Variants in HSD17B2 observed in about 807,000 individuals in gnomAD.
The protein encoded by HSD17B2 is hydroxysteroid 17-beta dehydrogenase 2.
HSD17B2 carries 32 observed loss-of-function variants against 26.9 expected under a neutral mutation model. The observed-to-expected ratio is 1.19, with a 90% CI of 0.90 to 1.60. The LOEUF (loss-of-function observed/expected upper bound fraction) is 1.60. Among genes scored for constraint, HSD17B2 ranks in the 40% most tolerant of loss-of-function variants. The pLI, the probability that HSD17B2 is intolerant of heterozygous loss-of-function variation, is 0.00. For missense variants in HSD17B2, 613 were observed against 468.6 expected (o/e 1.31, Z -2.85); for synonymous variants, 246 against 186.7 (o/e 1.32, Z -2.59).
At chr16:82,055,104 G>A (rs1292046462) in intron 1 of HSD17B2, among the ~76,000 whole-genome samples, 1 of 152,138 alleles carries the variant, frequency 6.6e-6, no homozygotes, top group African/African-American at 2.4e-5. Context: ...AATGTTCCCT[G>A]GGGGGGAACT....
chr16:82,050,064 T>C (rs1453296736), intron 1 of HSD17B2, among the ~76,000 whole-genome samples: 1 of 152,228 alleles, frequency 6.6e-6, no homozygotes, highest in Non-Finnish European at 1.5e-5. Context: ...CCGTCCCAGG[T>C]GAAGCTAATG....
chr16:82,059,131 T>C (rs1914360354), intron 1 of HSD17B2, among the ~76,000 whole-genome samples: 1 of 152,194 alleles, frequency 6.6e-6, no homozygotes, highest in South Asian at 2.1e-4. Flanking sequence ...GAGTTCTCTA[T>C]AAAAGTAAAC....
Position 82,098,494 on chromosome 16 carries a change from G to C in HSD17B2, c.*58G>C. The C allele has an allele frequency of 5.3e-6, 8 of 1,509,318 alleles. No individual in the cohort carries two copies. In the South Asian group the frequency reaches 9.4e-5, roughly 18 times the overall value. 93.5% of individuals were successfully genotyped at this position (1,509,318 alleles called of 1,614,324 possible). A position where few individuals can be genotyped will look rare whatever the true frequency, so the allele number is the denominator to read the frequency against. ...ATAGTCTTGAAATGAAAGGGAAACT[G>C]GGAAACTGGGTTTCTCATTAAAGTT... is the stretch of plus-strand genomic sequence containing the variant. On this transcript the variant is annotated 3_prime_UTR_variant, in exon 5 of 5. Transcript: ENST00000199936.
At chr16:82,088,789 T>C (rs1257738797) in intron 3 of HSD17B2, among the ~76,000 whole-genome samples, 1 of 152,244 alleles carries the variant, frequency 6.6e-6, no homozygotes, top group African/African-American at 2.4e-5. Flanking sequence ...GTCTGCTTGA[T>C]GCCAGACATC....
rs749730566 is a variant in HSD17B2, at chr16:82,098,239, C to T, written c.967C>T (p.Arg323Trp). The part of the protein sequence containing the change: ...LASKDFSPVL[R>W]DIQHAILAKS... Reference sequence around the variant, plus strand: ...CAGCAAGGACTTCTCTCCGGTGCTGCGGGACATCCAGCATGCTATCTTGGC... The same window carrying T: ...CAGCAAGGACTTCTCTCCGGTGCTGTGGGACATCCAGCATGCTATCTTGGC... Residue 323 changes from arginine to tryptophan, a missense_variant, in exon 5 of 5, where the codon CGG becomes TGG. Coordinates refer to ENST00000199936, the MANE Select transcript of HSD17B2 (RefSeq NM_002153.3). The T allele has an allele frequency of 3.6e-5, 58 of 1,614,064 alleles. No homozygotes were observed. Among genetic ancestry groups the T allele is most frequent in the Admixed American group, 1.2e-4 (7 of 60,006 alleles).
chr16:82,074,177 T>A (rs1895400280), intron 3 of HSD17B2, among the ~76,000 whole-genome samples: 2 of 152,320 alleles, frequency 1.3e-5, no homozygotes, highest in South Asian at 4.1e-4. Flanking sequence ...GGACCCTGAC[T>A]TCTTTCTGCC....
chr16:82,081,139 C>T (rs1471530629), intron 3 of HSD17B2, among the ~76,000 whole-genome samples: 2 of 152,146 alleles, frequency 1.3e-5, no homozygotes, highest in African/African-American at 4.8e-5. Flanking sequence ...AAACTAAGCA[C>T]TTCCATTGGA....
intron 1 of HSD17B2, among the ~76,000 whole-genome samples, chr16:82,037,968 G>C (rs72829154): frequency 3.3e-5 from 5 of 152,212 alleles, no homozygotes; most frequent in Non-Finnish European, 7.3e-5. Flanking sequence ...GTTGGTTAAT[G>C]GTTGGATTAG....
chr16:82,058,923 A>G (rs373190796), intron 1 of HSD17B2, among the ~76,000 whole-genome samples: 1 of 152,108 alleles, frequency 6.6e-6, no homozygotes, highest in East Asian at 1.9e-4. Flanking sequence ...TTGTGCCTGG[A>G]CTGTGATACT....
intron 2 of HSD17B2, 37 bp downstream of exon 2, chr16:82,068,419 T>A: frequency 6.5e-7 from 1 of 1,530,912 alleles, no homozygotes; most frequent in East Asian, 2.3e-5. Flanking sequence ...TTTACCCTCC[T>A]CCTGAATGCC....
intron 3 of HSD17B2, among the ~76,000 whole-genome samples, chr16:82,087,621 A>G (rs994316521): frequency 6.6e-6 from 1 of 152,240 alleles, no homozygotes; most frequent in African/African-American, 2.4e-5. Context: ...TCAATGTGGT[A>G]TATGATCTAC....
At chr16:82,085,890 C>T (rs947511683) in intron 3 of HSD17B2, among the ~76,000 whole-genome samples, 7 of 151,816 alleles carry the variant, frequency 4.6e-5, no homozygotes, top group African/African-American at 4.8e-5. Flanking sequence ...GATAACATAC[C>T]CCCTAAAATG....
chr16:82,041,215 GTC>G (rs1303542101), intron 1 of HSD17B2, among the ~76,000 whole-genome samples: 1 of 152,188 alleles, frequency 6.6e-6, no homozygotes, highest in South Asian at 2.1e-4. Context: ...CCTCTTCTCA[GTC>G]TCTCAGCACG....
At chr16:82,055,467 G>C (rs1025536849) in intron 1 of HSD17B2, among the ~76,000 whole-genome samples, 3 of 152,168 alleles carry the variant, frequency 2.0e-5, no homozygotes, top group African/African-American at 7.2e-5. Flanking sequence ...ATGTAGAAGA[G>C]TACATGGCAC....
chr16:82,058,218 A>G (rs1914331444), intron 1 of HSD17B2, among the ~76,000 whole-genome samples: 1 of 151,984 alleles, frequency 6.6e-6, no homozygotes, highest in South Asian at 2.1e-4. Flanking sequence ...CCAGGGGCGT[A>G]TGCCAGCACA....
chr16:82,036,582 A>G (rs1913632617), intron 1 of HSD17B2, among the ~76,000 whole-genome samples: 1 of 152,080 alleles, frequency 6.6e-6, no homozygotes, highest in African/African-American at 2.4e-5. Flanking sequence ...CAAGAATGGC[A>G]TGGGGATGTG....
intron 1 of HSD17B2, among the ~76,000 whole-genome samples, chr16:82,058,473 A>G (rs1597126493): frequency 6.6e-6 from 1 of 152,306 alleles, no homozygotes; most frequent in East Asian, 1.9e-4. Context: ...AAAAAATAAA[A>G]TCTGTTTTTT....
At chr16:82,035,866 T>C (rs1158134709) in intron 1 of HSD17B2, among the ~76,000 whole-genome samples, 177 bp downstream of exon 1, 7 of 152,132 alleles carry the variant, frequency 4.6e-5, no homozygotes, top group Non-Finnish European at 8.8e-5. Flanking sequence ...GGAGGTGCAT[T>C]TGAAGGGGCT....
At chr16:82,052,216 G>C (rs1914129569) in intron 1 of HSD17B2, 1 of 152,248 alleles carries the variant, frequency 6.6e-6, no homozygotes, top group Admixed American at 6.5e-5. Context: ...GGAATGGGGA[G>C]GCTGTGCCCC....
Sources: allele counts gnomAD v4.1 joint callset (sites outside exome capture counted in the v4.1 genomes callset), GRCh38; gene constraint gnomAD v4.1.1; transcripts MANE v1.5; gene names NCBI Gene and HGNC (gene_info 2026-07-23, HGNC 2026-07-21).